Variants in SYNE2 observed in about 807,000 individuals in gnomAD.
The protein encoded by SYNE2 is spectrin repeat containing nuclear envelope protein 2, also known as nesprin-2.
In SYNE2, 431 loss-of-function variants were observed where a neutral mutation model predicts 856.3. The observed-to-expected ratio is 0.50, with a 90% confidence interval of 0.47 to 0.55. The LOEUF (loss-of-function observed/expected upper bound fraction) is 0.55. SYNE2 is among the 20% of genes least tolerant of loss of function. The pLI is 0.00. For synonymous variants in SYNE2, 2,923 were observed against 2,872.3 expected (o/e 1.02, Z -0.56); for missense variants, 8,129 against 8,023.2 (o/e 1.01, Z -0.50).
At chr14:64,039,817 A>T (rs1453433294) in intron 45 of SYNE2, among the ~76,000 whole-genome samples, 1 of 152,120 alleles carries the variant, frequency 6.6e-6, no homozygotes, top group East Asian at 1.9e-4. Context: ...AGGGGCTTAG[A>T]ATTTATAAGG....
intron 1 of SYNE2, among the ~76,000 whole-genome samples, chr14:63,787,974 G>C (rs1887600025): frequency 6.6e-6 from 1 of 152,198 alleles, no homozygotes; most frequent in South Asian, 2.1e-4. Context: ...CCAGTGCCAA[G>C]CCGCCCTCAG....
intron 11 of SYNE2, among the ~76,000 whole-genome samples, chr14:63,974,460 G>A (rs1316352711): frequency 6.6e-6 from 1 of 152,160 alleles, no homozygotes; most frequent in African/African-American, 2.4e-5. Flanking sequence ...TGGGAACTCA[G>A]CTCCTGTTAG....
intron 1 of SYNE2, among the ~76,000 whole-genome samples, chr14:63,767,400 G>C (rs1350261632): frequency 6.6e-6 from 1 of 152,144 alleles, no homozygotes; most frequent in African/African-American, 2.4e-5. Context: ...ATGAGCCACT[G>C]TGACCGGCCA....
intron 77 of SYNE2, among the ~76,000 whole-genome samples, chr14:64,133,733 T>C (rs2098051928): frequency 6.6e-6 from 1 of 152,200 alleles, no homozygotes; most frequent in Non-Finnish European, 1.5e-5. Flanking sequence ...AAGGCTCTCT[T>C]GTGGCTCCAA....
Position 64,225,676 on chromosome 14 carries a change from G to T in SYNE2, c.*150G>T. ...GGGCTTACCCAGCACGGGCTCCCTG[G>T]AGCCCAGGGCAGCTTTCAGATTGTG... On this transcript the variant is annotated 3_prime_UTR_variant, in exon 116 of 116. Coordinates refer to ENST00000555002, the MANE Select transcript of SYNE2 (RefSeq NM_182914.3). The T allele has an allele frequency of 1.2e-6, 1 of 864,254 alleles. No individual in the cohort carries two copies. The highest frequency in any genetic ancestry group is 2.7e-5 in the East Asian group (1 of 37,294). The allele number at this position is 864,254 out of a possible 1,614,324, so 53.5% of individuals were successfully genotyped here. A position where few individuals can be genotyped will look rare whatever the true frequency, so the allele number is the denominator to read the frequency against.
chr14:63,775,846 C>G (rs1229007097), intron 1 of SYNE2, among the ~76,000 whole-genome samples: 3 of 152,080 alleles, frequency 2.0e-5, no homozygotes, highest in African/African-American at 7.2e-5. Flanking sequence ...ATAGTAATAG[C>G]TTTTGTTAAT....
intron 1 of SYNE2, among the ~76,000 whole-genome samples, chr14:63,837,314 A>T (rs1390867543): frequency 6.6e-6 from 1 of 152,228 alleles, no homozygotes; most frequent in Non-Finnish European, 1.5e-5. Context: ...TCATTGACCT[A>T]AAAAGGAAGA....
chr14:63,803,994 C>G (rs927355628), intron 1 of SYNE2, among the ~76,000 whole-genome samples: 7 of 152,124 alleles, frequency 4.6e-5, no homozygotes, highest in Non-Finnish European at 7.3e-5. Context: ...GTGGCACTTC[C>G]CCCTTCACTC....
At position 64,208,819 on chromosome 14, in the gene SYNE2, A is replaced by T; in HGVS notation, c.18263A>T (p.Asp6088Val). The T allele has an allele frequency of 1.2e-6, 2 of 1,614,240 alleles. No individual in the cohort carries two copies. Among genetic ancestry groups the T allele is most frequent in the South Asian group, 2.2e-5 (2 of 91,084 alleles). Residue 6088 changes from aspartate (D) to valine (V), a missense_variant, in exon 101 of 116, where the codon GAC becomes GTC. Physicochemically the swap from Asp to Val is radical, Grantham distance 152 (BLOSUM62 -3). This residue lies in a region of SYNE2 where 5,410 missense variants were observed against 5,284.8 expected (regional missense o/e 1.02). Coordinates refer to ENST00000555002, the MANE Select transcript of SYNE2 (RefSeq NM_182914.3). ...GTGGAGTCCGTGTTTAACATCTGTGACGTCCTACTGCACGACTCCGATGCC... is the reference window on the plus strand; with the variant it reads ...GTGGAGTCCGTGTTTAACATCTGTGTCGTCCTACTGCACGACTCCGATGCC... Reference protein sequence around the residue: ...AGVESVFNICDVLLHDSDACA... With the variant: ...AGVESVFNICVVLLHDSDACA...
intron 1 of SYNE2, among the ~76,000 whole-genome samples, chr14:63,790,758 T>C (rs1173191850): frequency 2.6e-5 from 4 of 152,190 alleles, no homozygotes; most frequent in East Asian, 1.9e-4. Context: ...GCAGAAAGAA[T>C]TGCCACAATT....
intron 77 of SYNE2, 35 bp downstream of exon 77, chr14:64,132,473 G>C (rs1248026263): frequency 1.9e-6 from 3 of 1,613,642 alleles, no homozygotes; most frequent in East Asian, 4.5e-5. Context: ...ACTGAAGCTG[G>C]GAATTGCTGA....
At chr14:64,105,986 G>T (rs1215336099) in intron 64 of SYNE2, among the ~76,000 whole-genome samples, 1 of 151,116 alleles carries the variant, frequency 6.6e-6, no homozygotes, top group Non-Finnish European at 1.5e-5. Flanking sequence ...GGAGATGAAG[G>T]TTGCAGTGAA....
chr14:64,010,802 C>A (rs2096838334), intron 32 of SYNE2, among the ~76,000 whole-genome samples: 1 of 152,142 alleles, frequency 6.6e-6, no homozygotes, highest in Admixed American at 6.5e-5. Context: ...ACACGCCCAG[C>A]TAATTTTTGT....
intron 63 of SYNE2, chr14:64,100,260 C>T (rs941694928): frequency 1.3e-5 from 2 of 151,720 alleles, no homozygotes; most frequent in African/African-American, 4.8e-5. Context: ...TATTCTCACT[C>T]ATAGGTGGGA....
intron 96 of SYNE2, among the ~76,000 whole-genome samples, chr14:64,180,505 CT>C (rs111332955): frequency 0.051 from 7,308 of 142,460 alleles, 345 homozygotes; most frequent in African/African-American, 0.13. Context: ...TGGTTTATAA[CT>C]TTTTTTTTTT....
intron 80 of SYNE2, among the ~76,000 whole-genome samples, chr14:64,140,409 C>G (rs2098129987): frequency 1.3e-5 from 2 of 152,266 alleles, no homozygotes; most frequent in African/African-American, 2.4e-5. Flanking sequence ...ATGGAGAAAC[C>G]CTGTCTCTAC....
intron 2 of SYNE2, among the ~76,000 whole-genome samples, chr14:63,930,614 A>C (rs1224455676): frequency 6.6e-6 from 1 of 151,484 alleles, no homozygotes; most frequent in Non-Finnish European, 1.5e-5. Flanking sequence ...GCTCACTGCA[A>C]ACCTTCGCCT....
At position 64,214,278 on chromosome 14, in the gene SYNE2, C is replaced by T. The variant is rs372959292; in HGVS notation, c.19141C>T (p.Arg6381Trp). The T allele has an allele frequency of 8.7e-6, 14 of 1,613,750 alleles. No individual in the cohort carries two copies. Among genetic ancestry groups the T allele is most frequent in the African/African-American group, 1.3e-5 (1 of 74,812 alleles). Residue 6381 changes from arginine to tryptophan, a missense_variant, in exon 106 of 116, where the codon CGG becomes TGG. This residue lies in a region of SYNE2 where 5,410 missense variants were observed against 5,284.8 expected (regional missense o/e 1.02). Coordinates refer to ENST00000555002, the MANE Select transcript of SYNE2 (RefSeq NM_182914.3). Reference protein sequence around the residue: ...REIQTDSWRKRGESEEPSSPQ... With the variant: ...REIQTDSWRKWGESEEPSSPQ... ...AATCCAGACTGATTCTTGGCGTAAA[C>T]GGGGAGAGAGCGAGGAACCGTCATC...
chr14:63,891,302 A>G (rs2095125650), intron 1 of SYNE2, among the ~76,000 whole-genome samples: 1 of 152,232 alleles, frequency 6.6e-6, no homozygotes. Flanking sequence ...GGCGGTCAGA[A>G]CTTGAAGGCT....
Sources: gnomAD v4.1 joint callset for allele counts (sites outside exome capture counted in the v4.1 genomes callset) on GRCh38, gnomAD v4.1.1 for gene constraint, gnomAD v4.1.1 regional missense constraint, MANE v1.5 for transcripts, NCBI Gene and HGNC (gene_info 2026-07-23, HGNC 2026-07-21) for gene names.